Variants in PDLIM5 observed in about 807,000 individuals in gnomAD.
PDLIM5 encodes the protein PDZ and LIM domain 5.
In PDLIM5, 34 loss-of-function variants were observed where a neutral mutation model predicts 64.2. That is an observed-to-expected ratio of 0.53 (90% confidence interval 0.40 to 0.71). The LOEUF is 0.71. PDLIM5 is among the 30% of genes least tolerant of loss of function. The probability of loss-of-function intolerance (pLI) is 0.00; values close to 1 mark genes in which losing one functional copy is unlikely to be tolerated. For missense variants in PDLIM5, 683 were observed against 733.6 expected (o/e 0.93, Z 0.80); for synonymous variants, 253 against 269.1 (o/e 0.94, Z 0.59).
intron 3 of PDLIM5, among the ~76,000 whole-genome samples, chr4:94,538,121 T>G (rs1270602353): frequency 6.6e-6 from 1 of 152,178 alleles, no homozygotes; most frequent in African/African-American, 2.4e-5. Context: ...TCTTTGAAAA[T>G]TTTTGCTTTA....
chr4:94,644,194 C>T (rs1419421602), intron 9 of PDLIM5, among the ~76,000 whole-genome samples: 2 of 152,064 alleles, frequency 1.3e-5, no homozygotes, highest in Admixed American at 6.6e-5. Flanking sequence ...TCATAACAAC[C>T]CTGTGAGACA....
chr4:94,662,160 TG>T (rs1203078372), intron 11 of PDLIM5, among the ~76,000 whole-genome samples: 5 of 152,116 alleles, frequency 3.3e-5, no homozygotes, highest in African/African-American at 1.2e-4. Context: ...AAGTAGTTGG[TG>T]AGAAGTGAGA....
chr4:94,605,389 C>T (rs1036605426), intron 7 of PDLIM5, among the ~76,000 whole-genome samples: 4 of 152,120 alleles, frequency 2.6e-5, no homozygotes, highest in Non-Finnish European at 5.9e-5. Flanking sequence ...GCTCTTTGTT[C>T]ATGTATCCTG....
intron 3 of PDLIM5, among the ~76,000 whole-genome samples, chr4:94,537,283 G>A (rs1055561345): frequency 6.6e-6 from 1 of 152,066 alleles, no homozygotes; most frequent in African/African-American, 2.4e-5. Context: ...GAAGTTTATA[G>A]CACTTTTTCC....
intron 7 of PDLIM5, among the ~76,000 whole-genome samples, chr4:94,601,436 C>T (rs916410009): frequency 2.6e-5 from 4 of 152,144 alleles, no homozygotes; most frequent in African/African-American, 9.7e-5. Context: ...CACAAACGTT[C>T]ACTGTATAAC....
chr4:94,568,327 ATATT>A (rs1359526403), intron 3 of PDLIM5, among the ~76,000 whole-genome samples: 2 of 152,232 alleles, frequency 1.3e-5, no homozygotes, highest in Non-Finnish European at 2.9e-5. Context: ...AAAGACTAAA[ATATT>A]TACTGTCTGG....
At chr4:94,540,916 A>G (rs1731751618) in intron 3 of PDLIM5, among the ~76,000 whole-genome samples, 2 of 152,226 alleles carry the variant, frequency 1.3e-5, no homozygotes. Flanking sequence ...CTCGCCTTTC[A>G]GGAGTGTTTG....
intron 3 of PDLIM5, among the ~76,000 whole-genome samples, chr4:94,530,532 T>C (rs200354972): frequency 2.0e-5 from 2 of 98,004 alleles, no homozygotes; most frequent in Non-Finnish European, 2.4e-5. Context: ...TATATATATA[T>C]ATATATATAT....
intron 11 of PDLIM5, among the ~76,000 whole-genome samples, chr4:94,658,615 T>G (rs1053823617): frequency 3.3e-5 from 5 of 152,192 alleles, no homozygotes; most frequent in African/African-American, 1.2e-4. Context: ...AATAATGGAG[T>G]TAAAGGAGCA....
At chr4:94,637,778 A>G (rs915367827) in intron 8 of PDLIM5, among the ~76,000 whole-genome samples, 4 of 152,220 alleles carry the variant, frequency 2.6e-5, no homozygotes, top group Admixed American at 6.5e-5. Context: ...AAGCAGGAAC[A>G]TATGATCAGA....
At chr4:94,555,491 T>G (rs1333309523) in intron 3 of PDLIM5, among the ~76,000 whole-genome samples, 2 of 152,250 alleles carry the variant, frequency 1.3e-5, no homozygotes, top group Non-Finnish European at 2.9e-5. Flanking sequence ...TCAAATGTTA[T>G]TTCATTATAG....
chr4:94,542,874 T>C (rs1731947307), intron 3 of PDLIM5, among the ~76,000 whole-genome samples: 1 of 152,190 alleles, frequency 6.6e-6, no homozygotes, highest in Non-Finnish European at 1.5e-5. Flanking sequence ...CAAAGTTTAA[T>C]GGTTATAATT....
chr4:94,617,459 G>A (rs935219856), intron 7 of PDLIM5, among the ~76,000 whole-genome samples: 7 of 152,008 alleles, frequency 4.6e-5, no homozygotes, highest in South Asian at 2.1e-4. Context: ...CACAACCAAC[G>A]TTTGGCATAT....
intron 2 of PDLIM5, among the ~76,000 whole-genome samples, chr4:94,498,803 G>A (rs1000587359): frequency 6.6e-6 from 1 of 152,188 alleles, no homozygotes; most frequent in African/African-American, 2.4e-5. Flanking sequence ...GGAAAAGTAG[G>A]TTCTTTAATC....
chr4:94,586,310 A>C, intron 6 of PDLIM5, 98 bp from the exon 7 acceptor site: 1 of 682,144 alleles, frequency 1.5e-6, no homozygotes, highest in Non-Finnish European at 2.6e-6. Context: ...GCTCCATGGA[A>C]GTTGAACATT....
chr4:94,640,381 T>C lies in PDLIM5; in HGVS notation c.1214T>C (p.Val405Ala), dbSNP rs769682300. 2 of 1,613,248 alleles carry C rather than the reference T, an allele frequency of 1.2e-6. No individual in the cohort carries two copies. The highest frequency in any genetic ancestry group is 1.7e-6 in the Non-Finnish European group (2 of 1,179,370). Residue 405 changes from valine (V) to alanine (A), a missense_variant, in exon 9 of 13, where the codon GTG (valine) becomes GCG (alanine). By Grantham distance (64) the Val-to-Ala change is moderately conservative. Coordinates refer to ENST00000317968, the MANE Select transcript of PDLIM5 (RefSeq NM_006457.5). ...CAGCCAAGTGACCAGGACACTTTAGTGCAAAGAGCTGAGCACATTCCAGCA... is the reference window on the plus strand; with the variant it reads ...CAGCCAAGTGACCAGGACACTTTAGCGCAAAGAGCTGAGCACATTCCAGCA... Reference protein sequence around the residue: ...QTQPSDQDTLVQRAEHIPAGK... With the variant: ...QTQPSDQDTLAQRAEHIPAGK...
chr4:94,503,521 G>C (rs59041563), intron 2 of PDLIM5, among the ~76,000 whole-genome samples: 2,282 of 152,266 alleles, frequency 0.015, 51 homozygotes, highest in African/African-American at 0.05. Context: ...ATTGGGACAA[G>C]AAGAGCAGTA....
At chr4:94,504,985 A>T (rs1256134540) in intron 2 of PDLIM5, among the ~76,000 whole-genome samples, 2 of 152,178 alleles carry the variant, frequency 1.3e-5, no homozygotes, top group African/African-American at 4.8e-5. Context: ...TGAATTTTAT[A>T]ACAGTGCCCT....
intron 2 of PDLIM5, among the ~76,000 whole-genome samples, chr4:94,493,557 A>G (rs1438855715): frequency 6.6e-6 from 1 of 152,162 alleles, no homozygotes; most frequent in Non-Finnish European, 1.5e-5. Context: ...TAATTGCTGA[A>G]TAATAATTTC....
Sources: gnomAD v4.1 joint callset for allele counts (sites outside exome capture counted in the v4.1 genomes callset) on GRCh38, gnomAD v4.1.1 for gene constraint, MANE v1.5 for transcripts, NCBI Gene and HGNC (gene_info 2026-07-23, HGNC 2026-07-21) for gene names.